MFNG: variants seen among roughly 807,000 people sequenced by gnomAD.
MFNG encodes beta-1,3-N-acetylglucosaminyltransferase manic fringe.
Under a neutral mutation model 34.2 loss-of-function variants are expected in MFNG, and 24 were observed. The ratio of observed to expected loss-of-function variants is 0.70; its 90% CI spans 0.51 to 0.99. The LOEUF is 0.99. MFNG is among the 50% of genes least tolerant of loss of function. MFNG has a pLI of 0.00. For synonymous variants in MFNG, 158 were observed against 179.2 expected (o/e 0.88, Z 0.94); for missense variants, 383 against 424.0 (o/e 0.90, Z 0.85).
chr22:37,469,801 C>T lies in MFNG; in HGVS notation c.*162G>A. ...CTCACCTCCCAGGGGCCTGGGGTGC[C>T]TTCAGTGCCAATTGCCACTCAGATC... is the stretch of plus-strand genomic sequence containing the variant. On this transcript the variant is annotated 3_prime_UTR_variant, in exon 8 of 8. Coordinates refer to ENST00000356998, the MANE Select transcript of MFNG (RefSeq NM_002405.4). 1 of 720,432 alleles carries T rather than the reference C, an allele frequency of 1.4e-6. No individual in the cohort carries two copies. The highest frequency in any genetic ancestry group is 2.6e-6 in the Non-Finnish European group (1 of 390,750). The allele number at this position is 720,432 out of a possible 1,614,324, so 44.6% of individuals were successfully genotyped here. A position where few individuals can be genotyped will look rare whatever the true frequency, so the allele number is the denominator to read the frequency against.
chr22:37,486,254 G>T lies in MFNG; in HGVS notation c.-77C>A, dbSNP rs1307596431. The T allele has an allele frequency of 4.2e-6, 6 of 1,416,354 alleles. No homozygotes were observed. Among genetic ancestry groups the T allele is most frequent in the Non-Finnish European group, 5.5e-6 (6 of 1,081,954 alleles). 87.7% of individuals were successfully genotyped at this position (1,416,354 alleles called of 1,614,324 possible). On this transcript the variant is annotated 5_prime_UTR_variant, in exon 1 of 8. Transcript: ENST00000356998. Reference sequence around the variant, plus strand: ...GGGAGGGGAAGCTGGTCAGGCAGGGGCTCCAGCAGAGGCAAAAGTCTGGCA... The same window carrying T: ...GGGAGGGGAAGCTGGTCAGGCAGGGTCTCCAGCAGAGGCAAAAGTCTGGCA...
chr22:37,476,090 AC>A (rs1922024163), intron 5 of MFNG, among the ~76,000 whole-genome samples: 1 of 152,020 alleles, frequency 6.6e-6, no homozygotes, highest in Non-Finnish European at 1.5e-5. Context: ...GACTAATGCC[AC>A]CTTCTCCCCC....
In MFNG at chr22:37,480,244, G is replaced by T. The variant is rs764901105; in HGVS notation, c.360C>A (p.Ser120=). Residue 120 remains serine, a synonymous_variant, in exon 3 of 8, where the codon TCC becomes TCA. Transcript: ENST00000356998. ...TGTCGAACTCAGCAGCCATCTTGCA[G>T]GACAGAGCTGGGTGGCTGTGTTCCG... ...CSAEHSHPAL[S]CKMAAEFDTF... is the part of the protein sequence containing the mutation. 5 of 1,613,524 alleles carry T rather than the reference G, an allele frequency of 3.1e-6. No individual in the cohort carries two copies. Among genetic ancestry groups the T allele is most frequent in the Non-Finnish European group, 2.5e-6 (3 of 1,179,442 alleles).
chr22:37,471,703 C>T (rs559791677), intron 7 of MFNG, among the ~76,000 whole-genome samples: 35 of 151,954 alleles, frequency 2.3e-4, no homozygotes, highest in African/African-American at 4.4e-4. Flanking sequence ...TGGTGGCAGG[C>T]GCCTGTAATC....
intron 6 of MFNG, among the ~76,000 whole-genome samples, chr22:37,473,957 C>T (rs1921923161): frequency 6.6e-6 from 1 of 152,262 alleles, no homozygotes; most frequent in African/African-American, 2.4e-5. Context: ...GGACCTGTAT[C>T]ACCTGCCAGG....
intron 4 of MFNG, among the ~76,000 whole-genome samples, chr22:37,477,282 T>G (rs1473324352): frequency 6.6e-6 from 1 of 152,132 alleles, no homozygotes; most frequent in African/African-American, 2.4e-5. Context: ...CCCTTTCCCC[T>G]GAGAAAGGTC....
rs1251758903 is a variant in MFNG at position 37,469,740 on chromosome 22, C to T, written c.*223G>A. On this transcript the variant is annotated 3_prime_UTR_variant, in exon 8 of 8. Transcript: ENST00000356998. The stretch of plus-strand genomic sequence containing the variant: ...GTCTAGCCCCTGGAGCCTCTCTGGC[C>T]ACCACCTGGTCCACCTGGTCCCCTG... 9.9e-5 allele frequency: 66 copies of T among 668,978 alleles called. 1 individual carries two copies. The East Asian group carries it at 1.4e-3, about 14-fold the overall frequency. 41.4% of individuals were successfully genotyped at this position (668,978 alleles called of 1,614,324 possible). A position where few individuals can be genotyped will look rare whatever the true frequency, so the allele number is the denominator to read the frequency against.
chr22:37,470,032 G>A lies in MFNG; in HGVS notation c.900-3C>T. On this transcript the variant is annotated splice_polypyrimidine_tract_variant and splice_region_variant and intron_variant, in intron 7 of 7. Transcript: ENST00000356998. ...GCAGACAATGGAGGGAGCGAAATCT[G>A]CAGAGAGACCAGAAAAGGACAGGAT... 1 of 1,601,134 alleles carries A rather than the reference G, an allele frequency of 6.2e-7. No homozygotes were observed. The highest frequency in any genetic ancestry group is 8.5e-7 in the Non-Finnish European group (1 of 1,172,744).
rs886526164 is a variant in MFNG, at chr22:37,485,291, C to T, written c.255+632G>A. 2.0e-5 allele frequency among the ~76,000 whole-genome samples: 3 copies of T among 152,182 alleles called. No homozygotes were observed. The highest frequency in any genetic ancestry group is 7.2e-5 in the African/African-American group (3 of 41,450). On this transcript the variant is annotated intron_variant, in intron 1 of 7. Transcript: ENST00000356998. This position sits in a 1 kb window ranked among gnomAD's most constrained non-coding sequence, Gnocchi z 5.3. ...TCGTGGCATGCGCTCTCCTTCCCTC[C>T]CTCGGAAGCAGTCCGCAGGAAGCCA...
Position 37,485,650 on chromosome 22 carries a change from G to A in MFNG, c.255+273C>T, listed in dbSNP as rs552427262. 6.6e-4 allele frequency among the ~76,000 whole-genome samples: 101 copies of A among 152,310 alleles called. No homozygotes were observed. Among genetic ancestry groups the A allele is most frequent in the Admixed American group, 7.8e-4 (12 of 15,312 alleles). On this transcript the variant is annotated intron_variant, in intron 1 of 7. Coordinates refer to ENST00000356998, the MANE Select transcript of MFNG (RefSeq NM_002405.4). The surrounding 1 kb of genome is among the most constrained non-coding windows in gnomAD (Gnocchi z 5.3). ...ATAGAAGAACCCCCAGGAGGGACCC[G>A]GGAGCCTGGAGCAGGGGCCCAGCCT... is the stretch of plus-strand genomic sequence containing the variant.
chr22:37,475,698 TC>T (rs1922006422), intron 5 of MFNG, among the ~76,000 whole-genome samples: 1 of 151,750 alleles, frequency 6.6e-6, no homozygotes, highest in African/African-American at 2.4e-5. Context: ...TGCACTCCCC[TC>T]CCCAGCCTGC....
intron 7 of MFNG, 43 bp downstream of exon 7, chr22:37,472,400 A>G: frequency 2.1e-6 from 3 of 1,455,590 alleles, no homozygotes; most frequent in Non-Finnish European, 9.3e-7. Flanking sequence ...GCCTGGACTC[A>G]GCCCCCACTC....
intron 5 of MFNG, among the ~76,000 whole-genome samples, chr22:37,475,518 CAG>C (rs1569156559): frequency 6.6e-6 from 1 of 152,214 alleles, no homozygotes; most frequent in Non-Finnish European, 1.5e-5. Flanking sequence ...GCCACCTAAA[CAG>C]AGTCTTGCAG....
At chr22:37,470,774 C>T (rs374488396) in intron 7 of MFNG, among the ~76,000 whole-genome samples, 4 of 152,186 alleles carry the variant, frequency 2.6e-5, no homozygotes, top group African/African-American at 9.7e-5. Flanking sequence ...ACAGAGCCTA[C>T]AAAGGCCTTG....
intron 4 of MFNG, among the ~76,000 whole-genome samples, chr22:37,478,424 G>A (rs2145732896): frequency 6.6e-6 from 1 of 152,334 alleles, no homozygotes; most frequent in East Asian, 1.9e-4. Context: ...CATTATTTAT[G>A]AGAAAGTCAA....
At position 37,486,208 on chromosome 22, in the gene MFNG, C is replaced by G; in HGVS notation, c.-31G>C. ...GGCCCTGGGACCCCAGACAGCTCAG[C>G]CCCCAAATCCCAACCAGACAGGGAG... On this transcript the variant is annotated 5_prime_UTR_variant, in exon 1 of 8. Coordinates refer to ENST00000356998, the MANE Select transcript of MFNG (RefSeq NM_002405.4). The G allele has an allele frequency of 6.7e-7, 1 of 1,494,346 alleles. No individual in the cohort carries two copies. The highest frequency in any genetic ancestry group is 8.9e-7 in the Non-Finnish European group (1 of 1,122,918). The allele number at this position is 1,494,346 out of a possible 1,614,324, so 92.6% of individuals were successfully genotyped here.
chr22:37,469,741 A>ACCAGCTGGT lies in MFNG; in HGVS notation c.*221_*222insACCAGCTGG, dbSNP rs1179033476. ...TCTAGCCCCTGGAGCCTCTCTGGCC[A>ACCAGCTGGT]CCACCTGGTCCACCTGGTCCCCTGG... On this transcript the variant is annotated 3_prime_UTR_variant, in exon 8 of 8. Coordinates refer to ENST00000356998, the MANE Select transcript of MFNG (RefSeq NM_002405.4). The ACCAGCTGGT allele has an allele frequency of 1.5e-6, 1 of 669,190 alleles. No homozygotes were observed. The highest frequency in any genetic ancestry group is 2.9e-5 in the East Asian group (1 of 34,540). The allele number at this position is 669,190 out of a possible 1,614,324, so 41.5% of individuals were successfully genotyped here. A position where few individuals can be genotyped will look rare whatever the true frequency, so the allele number is the denominator to read the frequency against.
In MFNG at chr22:37,479,409, T is replaced by C. The variant is rs200778754; in HGVS notation, c.497A>G (p.Tyr166Cys). ...LRAFPLARDV[Y>C]VGRPSLNRPI... ...CCGGTTCAGGCTGGGCCTTCCCACA[T>C]AGACGTCGCGGGCCAGCGGGAAGGC... The change falls in exon 4 of 8, where the codon TAT (tyrosine) becomes TGT (cysteine). Residue 166 changes from tyrosine to cysteine, a missense_variant. Transcript: ENST00000356998. The C allele has an allele frequency of 3.2e-5, 52 of 1,609,114 alleles. No homozygotes were observed. The highest frequency in any genetic ancestry group is 3.4e-5 in the Admixed American group (2 of 59,354).
intron 1 of MFNG, chr22:37,484,719 AG>A (rs1254164343): frequency 6.6e-6 from 1 of 152,356 alleles, no homozygotes; most frequent in African/African-American, 2.4e-5. Context: ...CTGCTTCCGC[AG>A]GAAGAACCAG....
Sources: allele counts gnomAD v4.1 joint callset (sites outside exome capture counted in the v4.1 genomes callset), GRCh38; gene constraint gnomAD v4.1.1; non-coding constraint Gnocchi (gnomAD v3.1); transcripts MANE v1.5; gene names NCBI Gene and HGNC (gene_info 2026-07-23, HGNC 2026-07-21).